TMEM181: variants seen among roughly 807,000 people sequenced by gnomAD.
TMEM181 encodes transmembrane protein 181, also known as G protein-coupled receptor 178.
TMEM181 carries 39 observed loss-of-function variants against 71.9 expected under a neutral mutation model. The ratio of observed to expected loss-of-function variants is 0.54; its 90% CI spans 0.42 to 0.71. The LOEUF (loss-of-function observed/expected upper bound fraction) is 0.71. Among genes scored for constraint, TMEM181 ranks in the 30% least tolerant of loss-of-function variants. TMEM181 has a pLI of 0.00. For missense variants in TMEM181, 595 were observed against 583.0 expected (o/e 1.02, Z -0.21); for synonymous variants, 245 against 228.8 (o/e 1.07, Z -0.64).
At chr6:158,565,970 TC>T (rs1182687867) in intron 1 of TMEM181, among the ~76,000 whole-genome samples, 1 of 152,258 alleles carries the variant, frequency 6.6e-6, no homozygotes, top group African/African-American at 2.4e-5. Flanking sequence ...CAGGAGGTTT[TC>T]TATGCCTATG....
intron 3 of TMEM181, 26 bp downstream of exon 3, chr6:158,581,021 G>GGGT: frequency 6.3e-7 from 1 of 1,597,806 alleles, no homozygotes; most frequent in Non-Finnish European, 8.6e-7. Flanking sequence ...AGTGGCAGCT[G>GGGT]GGTGGTGGGG....
At chr6:158,579,953 T>C (rs1439318606) in intron 2 of TMEM181, among the ~76,000 whole-genome samples, 1 of 152,176 alleles carries the variant, frequency 6.6e-6, no homozygotes, top group Non-Finnish European at 1.5e-5. Context: ...GGCACAGTGT[T>C]TCAGTTTTGA....
intron 1 of TMEM181, among the ~76,000 whole-genome samples, chr6:158,565,672 A>G (rs1313347292): frequency 1.3e-5 from 2 of 152,240 alleles, no homozygotes; most frequent in Non-Finnish European, 2.9e-5. Context: ...ATCGAAAGTT[A>G]CTGGACCTGC....
intron 6 of TMEM181, among the ~76,000 whole-genome samples, chr6:158,603,124 T>G (rs1286091335): frequency 6.6e-6 from 1 of 152,182 alleles, no homozygotes. Context: ...TCGGAAACAT[T>G]TTGGCCATTA....
chr6:158,629,726 C>A lies in TMEM181; in HGVS notation c.1193-4C>A, dbSNP rs978466732. The A allele has an allele frequency of 6.2e-7, 1 of 1,603,572 alleles. No individual in the cohort carries two copies. Among genetic ancestry groups the A allele is most frequent in the African/African-American group, 1.3e-5 (1 of 74,530 alleles). ...TGCCGCGTTCCTTCCCTTGACAGCA[C>A]CACCAGCCGAGTTCTTATCTTTCTA... On this transcript the variant is annotated splice_region_variant and splice_polypyrimidine_tract_variant and intron_variant, in intron 14 of 16. Transcript: ENST00000684151.
At chr6:158,625,659 G>T in intron 12 of TMEM181, 44 bp from the exon 13 acceptor site, 1 of 1,514,860 alleles carries the variant, frequency 6.6e-7, no homozygotes, top group South Asian at 1.2e-5. Context: ...AAATGCAAGT[G>T]GAATTTACTT....
At chr6:158,605,133 T>TGTGTGG in intron 6 of TMEM181, 134 bp from the exon 7 acceptor site, 1 of 81,128 alleles carries the variant, frequency 1.2e-5, no homozygotes, top group South Asian at 1.3e-4. Context: ...AAAAAAAAAG[T>TGTGTGG]GTGTGTGTGT....
Position 158,560,182 on chromosome 6 carries a change from G to C in TMEM181, c.-43G>C. 7 of 984,906 alleles carry C rather than the reference G, an allele frequency of 7.1e-6. No homozygotes were observed. The highest frequency in any genetic ancestry group is 8.4e-6 in the Non-Finnish European group (7 of 829,772). 61.0% of individuals were successfully genotyped at this position (984,906 alleles called of 1,614,324 possible). On this transcript the variant is annotated 5_prime_UTR_variant, in exon 1 of 17. Transcript: ENST00000684151. ...GAGGCTGCTGCGCGGCGCCTGGCGG[G>C]CTCGGGACGCGCGGGCCGGGGCCGA...
exon 1 of TMEM181, chr6:158,536,646 C>A (rs1345504132): frequency 6.8e-7 from 1 of 1,472,844 alleles, no homozygotes; most frequent in Non-Finnish European, 9.0e-7. Flanking sequence ...CGCCAGCAGC[C>A]CGATCCCCAG....
chr6:158,600,811 G>A (rs748909628), intron 6 of TMEM181, among the ~76,000 whole-genome samples: 1 of 152,054 alleles, frequency 6.6e-6, no homozygotes, highest in South Asian at 2.1e-4. Flanking sequence ...ATTATTTTCT[G>A]TTGCTCTAAC....
Position 158,606,816 on chromosome 6 carries a change from G to A in TMEM181, c.574-428G>A, listed in dbSNP as rs116592114. 5.8e-3 allele frequency among the ~76,000 whole-genome samples: 887 copies of A among 152,262 alleles called. 9 individuals are homozygous for A. Among genetic ancestry groups the A allele is most frequent in the African/African-American group, 0.02 (843 of 41,538 alleles). ...TGCCATCTGTAGCAGTTGCGCTGCC[G>A]GGAACATGAGGCTCCTGTCACACCC... On this transcript the variant is annotated intron_variant, in intron 7 of 16. Coordinates refer to ENST00000684151, the MANE Select transcript of TMEM181 (RefSeq NM_001376852.1).
chr6:158,626,829 CCTT>C, intron 13 of TMEM181: 1 of 403,454 alleles, frequency 2.5e-6, no homozygotes, highest in Non-Finnish European at 5.1e-6. Flanking sequence ...CACACACACA[CCTT>C]CACACACACC....
intron 4 of TMEM181, 56 bp downstream of exon 4, chr6:158,584,100 T>A: frequency 1.4e-6 from 2 of 1,436,994 alleles, no homozygotes; most frequent in Non-Finnish European, 1.9e-6. Flanking sequence ...ACATCGTATT[T>A]TAGATGTTGA....
chr6:158,544,634 C>T (rs370821191), intron 1 of TMEM181, among the ~76,000 whole-genome samples: 31 of 152,154 alleles, frequency 2.0e-4, no homozygotes, highest in African/African-American at 5.6e-4. Flanking sequence ...TGAGCTCTTG[C>T]GCTCTGGGGT....
chr6:158,629,898 G>T, intron 15 of TMEM181, 79 bp downstream of exon 15: 1 of 1,221,590 alleles, frequency 8.2e-7, no homozygotes, highest in Non-Finnish European at 1.2e-6. Context: ...CACTTCCCGG[G>T]TTTCCCATTC....
chr6:158,580,143 C>T (rs921024443), intron 2 of TMEM181, among the ~76,000 whole-genome samples: 1 of 152,090 alleles, frequency 6.6e-6, no homozygotes, highest in East Asian at 1.9e-4. Flanking sequence ...CCAGCCTGAC[C>T]AACATGGTGA....
rs557991819 is a variant in TMEM181, at chr6:158,622,576, C to T, written c.897-974C>T. On this transcript the variant is annotated intron_variant, in intron 10 of 16. Transcript: ENST00000684151. ...GTCATCGTGCTATCAGATTGGCATG[C>T]AATTTAAAACTTAGGGAATGCTTTT... 2.6e-5 allele frequency among the ~76,000 whole-genome samples: 4 copies of T among 152,318 alleles called. No individual in the cohort carries two copies. In the East Asian group the frequency reaches 7.7e-4, roughly 29 times the overall value.
At chr6:158,618,632 G>A (rs547674371) in intron 10 of TMEM181, among the ~76,000 whole-genome samples, 15 of 152,280 alleles carry the variant, frequency 9.9e-5, no homozygotes, top group Admixed American at 3.9e-4. Context: ...GGCTGGTACC[G>A]TTGTTCCTTT....
chr6:158,583,928 G>C, intron 3 of TMEM181, 26 bp from the exon 4 acceptor site: 1 of 1,562,738 alleles, frequency 6.4e-7, no homozygotes, highest in African/African-American at 1.4e-5. Context: ...AAGGTCACAT[G>C]GATTACTTTG....
Sources: gnomAD v4.1 joint callset for allele counts (sites outside exome capture counted in the v4.1 genomes callset) on GRCh38, gnomAD v4.1.1 for gene constraint, MANE v1.5 for transcripts, NCBI Gene and HGNC (gene_info 2026-07-23, HGNC 2026-07-21) for gene names.